The following OVCH1 variants were observed in gnomAD, a reference collection of about 807,000 sequenced individuals.
OVCH1 encodes the protein ovochymase-1.
A neutral mutation model predicts 138.4 loss-of-function variants in OVCH1; 139 were observed. That is an observed-to-expected ratio of 1.00 (90% CI 0.87 to 1.16). OVCH1 has a LOEUF of 1.16. OVCH1 is among the 50% of genes most tolerant of loss of function. The probability of loss-of-function intolerance (pLI) is 0.00; values close to 1 mark genes in which losing one functional copy is unlikely to be tolerated. For synonymous variants in OVCH1, 453 were observed against 467.8 expected (o/e 0.97, Z 0.41); for missense variants, 1,367 against 1,357.9 (o/e 1.01, Z -0.11).
At chr12:29,443,232 C>A (rs966499270) in intron 25 of OVCH1, 129 bp downstream of exon 25, 2 of 886,172 alleles carry the variant, frequency 2.3e-6, no homozygotes, top group Middle Eastern at 3.3e-4. Flanking sequence ...AACAGTAAGT[C>A]TATTTCAACA....
In OVCH1 at chr12:29,496,582, A is replaced by C. The variant is rs1381479583; in HGVS notation, c.157T>G (p.Ser53Ala). 10 of 1,612,232 alleles carry C rather than the reference A, an allele frequency of 6.2e-6. No homozygotes were observed. Among genetic ancestry groups the C allele is most frequent in the Non-Finnish European group, 8.5e-6 (10 of 1,178,532 alleles). ...TGCCATGGATGTCCAGTCACTGTTG[A>C]ATTTCTCCAACTACTAATTCTAGAG... is the stretch of plus-strand genomic sequence containing the variant. The change falls in exon 2 of 28, where the codon TCA becomes GCA. Residue 53 changes from serine to alanine, a missense_variant. Ser to Ala is a moderately conservative substitution (Grantham distance 99). Coordinates refer to ENST00000318184, the Ensembl canonical transcript of OVCH1.
At chr12:29,439,791 AT>A (rs1941441102) in intron 25 of OVCH1, among the ~76,000 whole-genome samples, 61 bp downstream of exon 26, 1 of 152,184 alleles carries the variant, frequency 6.6e-6, no homozygotes, top group Non-Finnish European at 1.5e-5. Flanking sequence ...GGTTCCCACG[AT>A]CCCCTCCTCA....
intron 27 of OVCH1, among the ~76,000 whole-genome samples, chr12:29,433,410 C>T (rs1320070635): frequency 1.3e-4 from 20 of 152,176 alleles, no homozygotes; most frequent in East Asian, 5.8e-4. Flanking sequence ...TTTCACCTTC[C>T]GCCATGATTA....
At chr12:29,431,818 G>A (rs994284690) in intron 27 of OVCH1, among the ~76,000 whole-genome samples, 1 of 152,176 alleles carries the variant, frequency 6.6e-6, no homozygotes, top group Non-Finnish European at 1.5e-5. Flanking sequence ...CTGAAAAACA[G>A]AATGAATATA....
chr12:29,481,767 T>C (rs1942941754), intron 8 of OVCH1, among the ~76,000 whole-genome samples: 1 of 152,188 alleles, frequency 6.6e-6, no homozygotes, highest in Admixed American at 6.5e-5. Context: ...CCCTACTGTC[T>C]AAAAGCCACC....
intron 25 of OVCH1, among the ~76,000 whole-genome samples, chr12:29,443,152 G>A (rs576121277): frequency 1.3e-5 from 2 of 151,986 alleles, no homozygotes; most frequent in Non-Finnish European, 2.9e-5. Context: ...TGTAAGAAAC[G>A]TTGTTGGACT....
At chr12:29,483,601 T>C (rs1372490484) in intron 8 of OVCH1, among the ~76,000 whole-genome samples, 1 of 152,142 alleles carries the variant, frequency 6.6e-6, no homozygotes, top group Non-Finnish European at 1.5e-5. Context: ...TCCTTTCTAT[T>C]CTCATCATCC....
chr12:29,455,204 T>TA (rs1752192050), intron 20 of OVCH1, 45 bp downstream of exon 20: 1 of 1,589,174 alleles, frequency 6.3e-7, no homozygotes, highest in Non-Finnish European at 8.6e-7. Flanking sequence ...AAACCCACTC[T>TA]AAAGAAAGAG....
At chr12:29,412,628 A>C (rs1395705134) in intron 4 of OVCH1, 2 of 152,248 alleles carry the variant, frequency 1.3e-5, no homozygotes, top group African/African-American at 4.8e-5. Context: ...ACATATACTC[A>C]CTGTGAAGTT....
At chr12:29,428,976 A>G (rs749051495) in intron 27 of OVCH1, among the ~76,000 whole-genome samples, 1 of 152,206 alleles carries the variant, frequency 6.6e-6, no homozygotes, top group African/African-American at 2.4e-5. Context: ...AAGTGAGTGT[A>G]GCTCACTGGT....
chr12:29,497,408 C>T (rs1439078135), intron 1 of OVCH1, among the ~76,000 whole-genome samples: 5 of 152,160 alleles, frequency 3.3e-5, no homozygotes, highest in African/African-American at 4.8e-5. Flanking sequence ...TGCCTACAAA[C>T]GAACTCTAAA....
At chr12:29,405,340 A>G in the OVCH1 span, among the ~76,000 whole-genome samples, 2 of 152,170 alleles carry the variant, frequency 1.3e-5, no homozygotes, top group Non-Finnish European at 2.9e-5. Context: ...CAATCCTTGA[A>G]TTACCATGCA....
intron 26 of OVCH1, chr12:29,439,269 T>TTTTATATTATATAACA (rs1163529405): frequency 1.5e-6 from 2 of 1,339,112 alleles, no homozygotes; most frequent in East Asian, 5.4e-5. Context: ...TTATTTATTG[T>TTTTATATTATATAACA]TCTTTTTGTT....
chr12:29,467,784 G>A (rs1490990135), intron 16 of OVCH1, among the ~76,000 whole-genome samples: 1 of 152,156 alleles, frequency 6.6e-6, no homozygotes, highest in Non-Finnish European at 1.5e-5. Flanking sequence ...ACCACCATCA[G>A]GAAATTCTCA....
At chr12:29,452,189 A>T (rs1941815301) in intron 21 of OVCH1, among the ~76,000 whole-genome samples, 1 of 152,100 alleles carries the variant, frequency 6.6e-6, no homozygotes, top group African/African-American at 2.4e-5. Flanking sequence ...TTTGACAAAA[A>T]CTTTCTAAGC....
At chr12:29,437,756 TTATC>T (rs1300332824) in intron 26 of OVCH1, among the ~76,000 whole-genome samples, 4 of 152,196 alleles carry the variant, frequency 2.6e-5, no homozygotes, top group Non-Finnish European at 5.9e-5. Context: ...GTAACCTTTC[TTATC>T]TATCAAAAGA....
Position 29,477,931 on chromosome 12 carries a change from G to C in OVCH1, c.1070-353C>G, listed in dbSNP as rs1254747895. Among the ~76,000 whole-genome samples the C allele has an allele frequency of 2.0e-5, 3 of 152,136 alleles. No individual in the cohort carries two copies. In the South Asian group the frequency reaches 6.2e-4, roughly 32 times the overall value. On this transcript the variant is annotated intron_variant, in intron 9 of 27. Transcript: ENST00000318184. ...TACAGTTAATTTTTAACAAATGATT[G>C]GTTGAAAGAATAATTACTGTGTAAA... is the stretch of plus-strand genomic sequence containing the variant.
At chr12:29,489,987 T>C (rs934093474) in intron 5 of OVCH1, among the ~76,000 whole-genome samples, 1 of 152,216 alleles carries the variant, frequency 6.6e-6, no homozygotes, top group Non-Finnish European at 1.5e-5. Flanking sequence ...TAGGCAATTG[T>C]ACAATTGTGG....
At chr12:29,419,554 G>A (rs111626844) in intron 3 of OVCH1, among the ~76,000 whole-genome samples, 66 of 151,766 alleles carry the variant, frequency 4.3e-4, no homozygotes, top group African/African-American at 1.4e-3. Context: ...TTGGCCTCTC[G>A]AAGTGCTGGG....
Sources: gnomAD v4.1 joint callset for allele counts (sites outside exome capture counted in the v4.1 genomes callset) on GRCh38, gnomAD v4.1.1 for gene constraint, MANE v1.5 for transcripts, NCBI Gene and HGNC (gene_info 2026-07-23, HGNC 2026-07-21) for gene names.